SRRM4: variants seen among roughly 807,000 people sequenced by gnomAD.
SRRM4 encodes the protein serine/arginine repetitive matrix 4, also known as serine/arginine repetitive matrix protein 4.
SRRM4 carries 33 observed loss-of-function variants against 68.9 expected under a neutral mutation model. The ratio of observed to expected loss-of-function variants is 0.48; its 90% CI spans 0.36 to 0.64. The LOEUF (loss-of-function observed/expected upper bound fraction) is 0.64, where lower values mean the gene tolerates loss of function less well. Among genes scored for constraint, SRRM4 ranks in the 30% least tolerant of loss-of-function variants. The pLI, the probability that SRRM4 is intolerant of heterozygous loss-of-function variation, is 0.00. For missense variants in SRRM4, 817 were observed against 827.1 expected (o/e 0.99, Z 0.15); for synonymous variants, 318 against 318.8 (o/e 1.00, Z 0.03).
At chr12:119,037,786 C>T (rs1021343534) in intron 1 of SRRM4, among the ~76,000 whole-genome samples, 2 of 152,162 alleles carry the variant, frequency 1.3e-5, no homozygotes, top group African/African-American at 4.8e-5. Flanking sequence ...AAGGCCAGAG[C>T]CCAGATTTAG....
chr12:119,068,276 C>A (rs146187442), intron 1 of SRRM4, among the ~76,000 whole-genome samples: 175 of 152,292 alleles, frequency 1.1e-3, no homozygotes, highest in African/African-American at 4.0e-3. Flanking sequence ...GCACGTAGAA[C>A]CATGTTCAGC....
chr12:119,054,978 T>C (rs1395758746), intron 1 of SRRM4, among the ~76,000 whole-genome samples: 1 of 152,090 alleles, frequency 6.6e-6, no homozygotes, highest in Non-Finnish European at 1.5e-5. Flanking sequence ...AGGGGGCATG[T>C]GATGCTTAAA....
At chr12:118,989,989 C>T (rs542469458) in intron 1 of SRRM4, 2 of 152,320 alleles carry the variant, frequency 1.3e-5, no homozygotes, top group South Asian at 2.1e-4. Flanking sequence ...TGCACGCTCA[C>T]TTGTGGTGGG....
intron 4 of SRRM4, among the ~76,000 whole-genome samples, chr12:119,117,898 G>A (rs1293922801): frequency 1.3e-5 from 2 of 151,880 alleles, no homozygotes; most frequent in Non-Finnish European, 2.9e-5. Context: ...GCAGCAGAGT[G>A]AGACTCTGTC....
At chr12:119,002,232 A>T (rs928121182) in intron 1 of SRRM4, among the ~76,000 whole-genome samples, 9 of 152,162 alleles carry the variant, frequency 5.9e-5, no homozygotes, top group Admixed American at 1.3e-4. Context: ...GCAAAAAAAA[A>T]AAAATTTTTT....
In SRRM4 at chr12:119,162,096, G is replaced by A. The variant is rs1450692651; in HGVS notation, c.*5298G>A. On this transcript the variant is annotated 3_prime_UTR_variant, in exon 13 of 13. Coordinates refer to ENST00000267260, the MANE Select transcript of SRRM4 (RefSeq NM_194286.4). ...GGCTTGTCCTATATATTATCTGCAAGACGTGGGAAATGGGGGCTCAAGCCC... is the reference window on the plus strand; with the variant it reads ...GGCTTGTCCTATATATTATCTGCAAAACGTGGGAAATGGGGGCTCAAGCCC... 1.3e-5 allele frequency: 2 copies of A among 152,144 alleles called. No individual in the cohort carries two copies. The highest frequency in any genetic ancestry group is 2.9e-5 in the Non-Finnish European group (2 of 68,030). The allele number at this position is 152,144 out of a possible 1,614,324, so 9.4% of individuals were successfully genotyped here.
In SRRM4 at chr12:119,134,086, A is replaced by G. The variant is rs551263664; in HGVS notation, c.771+3252A>G. 2.0e-5 allele frequency among the ~76,000 whole-genome samples: 3 copies of G among 152,344 alleles called. No homozygotes were observed. In the South Asian group the frequency reaches 6.2e-4, roughly 32 times the overall value. ...GGCTCTGGAGGTAAAGAGGAGCCCA[A>G]GCATGAAGGATTTTCTATGCCATAT... On this transcript the variant is annotated intron_variant, in intron 8 of 12. Transcript: ENST00000267260.
Position 119,145,373 on chromosome 12 carries a change from G to C in SRRM4, c.772-8G>C. 1.3e-6 allele frequency: 2 copies of C among 1,597,148 alleles called. No individual in the cohort carries two copies. Among genetic ancestry groups the C allele is most frequent in the Non-Finnish European group, 1.7e-6 (2 of 1,171,614 alleles). On this transcript the variant is annotated splice_region_variant and splice_polypyrimidine_tract_variant and intron_variant, in intron 8 of 12. Transcript: ENST00000267260. Reference sequence around the variant, plus strand: ...TCAGCAGTGTCCAACGGGTCTTTTTGCTTTCAGATCACTGGGTCGGGGTCT... The same window carrying C: ...TCAGCAGTGTCCAACGGGTCTTTTTCCTTTCAGATCACTGGGTCGGGGTCT...
chr12:119,080,158 C>A (rs898815401), intron 1 of SRRM4, among the ~76,000 whole-genome samples: 1 of 151,966 alleles, frequency 6.6e-6, no homozygotes, highest in Non-Finnish European at 1.5e-5. Context: ...TCTGGGACCT[C>A]GGTGGTTCTA....
At chr12:119,033,526 T>C (rs1368101571) in intron 1 of SRRM4, among the ~76,000 whole-genome samples, 1 of 152,074 alleles carries the variant, frequency 6.6e-6, no homozygotes, top group Non-Finnish European at 1.5e-5. Flanking sequence ...TAGCTGGGCG[T>C]GGTGGCACGC....
chr12:119,008,061 G>T (rs7306928), intron 1 of SRRM4, among the ~76,000 whole-genome samples: 17 of 151,980 alleles, frequency 1.1e-4, no homozygotes, highest in Admixed American at 2.0e-4. Context: ...GGTGCTCAGC[G>T]GTGAGGCTAA....
intron 8 of SRRM4, among the ~76,000 whole-genome samples, chr12:119,137,339 A>G (rs928377218): frequency 6.6e-6 from 1 of 152,116 alleles, no homozygotes; most frequent in African/African-American, 2.4e-5. Context: ...TGATCTTAGA[A>G]TTCAGCTGAA....
rs919826977 is a variant in SRRM4, at chr12:119,144,203, G to A, written c.772-1178G>A. On this transcript the variant is annotated intron_variant, in intron 8 of 12. Coordinates refer to ENST00000267260, the MANE Select transcript of SRRM4 (RefSeq NM_194286.4). ...CCTTCCAAAGCCCTCTGTTGCAAGC[G>A]CATCCTCCCTCCCTCGTGCCCCCTC... Among the ~76,000 whole-genome samples, 7 of 152,058 alleles carry A rather than the reference G, an allele frequency of 4.6e-5. No individual in the cohort carries two copies. In the South Asian group the frequency reaches 8.3e-4, roughly 18 times the overall value.
chr12:119,005,311 C>T (rs929909196), intron 1 of SRRM4, among the ~76,000 whole-genome samples: 6 of 152,176 alleles, frequency 3.9e-5, no homozygotes, highest in African/African-American at 7.2e-5. Flanking sequence ...TCCTCTGAGA[C>T]GATAAATGGA....
In SRRM4 at chr12:118,991,057, G is replaced by A. The variant is rs145259216; in HGVS notation, c.131+9044G>A. Among the ~76,000 whole-genome samples, 143 of 152,144 alleles carry A rather than the reference G, an allele frequency of 9.4e-4. 1 individual carries two copies. The highest frequency in any genetic ancestry group is 3.2e-3 in the African/African-American group (134 of 41,502). On this transcript the variant is annotated intron_variant, in intron 1 of 12. Coordinates refer to ENST00000267260, the MANE Select transcript of SRRM4 (RefSeq NM_194286.4). ...TGACCTCAGGTGATCCACCCTCCTC[G>A]GCCTTCCAAAGTACTGGGATTACAG... is the stretch of plus-strand genomic sequence containing the variant.
At chr12:119,044,113 C>T (rs1170977916) in intron 1 of SRRM4, among the ~76,000 whole-genome samples, 4 of 152,180 alleles carry the variant, frequency 2.6e-5, no homozygotes. Context: ...GTAATCCACA[C>T]GCCTCGGCCT....
chr12:119,010,498 C>T (rs929564154), intron 1 of SRRM4, among the ~76,000 whole-genome samples: 1 of 152,228 alleles, frequency 6.6e-6, no homozygotes, highest in African/African-American at 2.4e-5. Flanking sequence ...GTTTAAACTA[C>T]ACATTTTGTA....
chr12:119,010,401 A>G (rs1356130895), intron 1 of SRRM4, among the ~76,000 whole-genome samples: 1 of 152,196 alleles, frequency 6.6e-6, no homozygotes, highest in African/African-American at 2.4e-5. Flanking sequence ...ACATATATTA[A>G]GTGGTTGAAG....
At chr12:119,100,538 A>T (rs928400091) in intron 1 of SRRM4, among the ~76,000 whole-genome samples, 3 of 152,022 alleles carry the variant, frequency 2.0e-5, no homozygotes, top group African/African-American at 7.3e-5. Flanking sequence ...TTACTTGCTT[A>T]TGTATCTATT....
Sources: gnomAD v4.1 joint callset for allele counts (sites outside exome capture counted in the v4.1 genomes callset) on GRCh38, gnomAD v4.1.1 for gene constraint, MANE v1.5 for transcripts, NCBI Gene and HGNC (gene_info 2026-07-23, HGNC 2026-07-21) for gene names.